The following NSD2 variants were observed in gnomAD, a reference collection of about 807,000 sequenced individuals.
NSD2 encodes histone-lysine N-methyltransferase NSD2.
NSD2 carries 12 observed loss-of-function variants against 139.0 expected under a neutral mutation model. The observed-to-expected ratio is 0.09, with a 90% confidence interval of 0.06 to 0.14. The LOEUF (loss-of-function observed/expected upper bound fraction) is 0.14. NSD2 is among the 10% of genes least tolerant of loss of function. NSD2 has a pLI of 1.00. For missense variants in NSD2, 1,155 were observed against 1,745.0 expected (o/e 0.66, Z 6.02); for synonymous variants, 669 against 648.7 (o/e 1.03, Z -0.48).
In NSD2 at chr4:1,948,917, A is replaced by G; in HGVS notation, c.1882-2155A>G. ...TGTTCCACCACGTTAAGGGAAGAGC[A>G]TGGGTTGGTGGATAGCGCTGGGGCT... On this transcript the variant is annotated intron_variant, in intron 9 of 21. Coordinates refer to ENST00000508803, the MANE Select transcript of NSD2 (RefSeq NM_001042424.3). This position sits in a 1 kb window ranked among gnomAD's most constrained non-coding sequence, Gnocchi z 4.5. The G allele has an allele frequency of 3.1e-6, 2 of 648,966 alleles. No homozygotes were observed. Among genetic ancestry groups the G allele is most frequent in the Non-Finnish European group, 3.9e-6 (2 of 515,202 alleles). The allele number at this position is 648,966 out of a possible 1,614,324, so 40.2% of individuals were successfully genotyped here.
At chr4:1,872,958 A>G (rs1439746511) in intron 1 of NSD2, among the ~76,000 whole-genome samples, 1 of 152,212 alleles carries the variant, frequency 6.6e-6, no homozygotes, top group African/African-American at 2.4e-5. Context: ...CAACAACATA[A>G]AGCAAACAAG....
intron 5 of NSD2, among the ~76,000 whole-genome samples, chr4:1,923,332 A>AT (rs1161387841): frequency 6.6e-6 from 1 of 152,082 alleles, no homozygotes; most frequent in Non-Finnish European, 1.5e-5. Flanking sequence ...AAAAAAAAAA[A>AT]AAAAAATTCT....
intron 1 of NSD2, among the ~76,000 whole-genome samples, chr4:1,872,224 C>G (rs1032765724): frequency 6.6e-6 from 1 of 152,090 alleles, no homozygotes; most frequent in Admixed American, 6.5e-5. Flanking sequence ...GGGTACCCTG[C>G]TGGGGGGCTG....
intron 9 of NSD2, chr4:1,941,757 A>C (rs780723152): frequency 3.0e-4 from 312 of 1,048,738 alleles, no homozygotes; most frequent in Non-Finnish European, 3.5e-4. Flanking sequence ...TAAATCTTCC[A>C]TTAGTGTTCA....
At chr4:1,951,275 G>A in intron 10 of NSD2, 72 bp downstream of exon 10, 1 of 1,597,118 alleles carries the variant, frequency 6.3e-7, no homozygotes, top group Non-Finnish European at 8.5e-7. Flanking sequence ...GAGCGAATTT[G>A]TAGTGTCTTT....
At chr4:1,975,220 C>G in intron 19 of NSD2, 74 bp from the exon 20 acceptor site, 1 of 1,483,750 alleles carries the variant, frequency 6.7e-7, no homozygotes, top group Non-Finnish European at 9.4e-7. Flanking sequence ...TTTTGTTGAC[C>G]TAATACACGC....
chr4:1,915,199 T>TC (rs1719219702), intron 3 of NSD2, among the ~76,000 whole-genome samples: 1 of 141,800 alleles, frequency 7.1e-6, no homozygotes, highest in Non-Finnish European at 1.5e-5. Context: ...CACTGCAAGC[T>TC]CCGCCTCCTG....
intron 8 of NSD2, 53 bp downstream of exon 8, chr4:1,938,585 TG>T (rs1416626590): frequency 5.5e-6 from 3 of 546,780 alleles, no homozygotes; most frequent in Admixed American, 4.6e-5. Flanking sequence ...CAGGCTGGGC[TG>T]GGTGGGTGGG....
chr4:1,901,343 C>A, intron 2 of NSD2, 92 bp downstream of exon 2: 1 of 1,182,956 alleles, frequency 8.5e-7, no homozygotes, highest in Non-Finnish European at 1.2e-6. Context: ...CTGGGGCGGG[C>A]GGAGAAGGTG....
Position 1,948,918 on chromosome 4 carries a change from T to C in NSD2, c.1882-2154T>C, listed in dbSNP as rs1723918938. ...GTTCCACCACGTTAAGGGAAGAGCA[T>C]GGGTTGGTGGATAGCGCTGGGGCTC... On this transcript the variant is annotated intron_variant, in intron 9 of 21. Coordinates refer to ENST00000508803, the MANE Select transcript of NSD2 (RefSeq NM_001042424.3). The surrounding 1 kb of genome is among the most constrained non-coding windows in gnomAD (Gnocchi z 4.5). 3 of 626,248 alleles carry C rather than the reference T, an allele frequency of 4.8e-6. No individual in the cohort carries two copies. Among genetic ancestry groups the C allele is most frequent in the Non-Finnish European group, 6.1e-6 (3 of 494,396 alleles). 38.8% of individuals were successfully genotyped at this position (626,248 alleles called of 1,614,324 possible). A position where few individuals can be genotyped will look rare whatever the true frequency, so the allele number is the denominator to read the frequency against.
chr4:1,908,065 G>T (rs1263414174), intron 3 of NSD2, among the ~76,000 whole-genome samples: 3 of 152,218 alleles, frequency 2.0e-5, no homozygotes, highest in African/African-American at 7.2e-5. Context: ...AGCAGGTGTA[G>T]GGCGTGTCCC....
chr4:1,907,290 C>G (rs1718049740), intron 3 of NSD2, among the ~76,000 whole-genome samples: 1 of 152,096 alleles, frequency 6.6e-6, no homozygotes. Context: ...CTCCCATTCC[C>G]CTGGTTTCTT....
chr4:1,942,493 G>A lies in NSD2; in HGVS notation c.1881+2715G>A. The A allele has an allele frequency of 6.6e-7, 1 of 1,513,424 alleles. No individual in the cohort carries two copies. Among genetic ancestry groups the A allele is most frequent in the Non-Finnish European group, 8.9e-7 (1 of 1,129,464 alleles). 93.7% of individuals were successfully genotyped at this position (1,513,424 alleles called of 1,614,324 possible). On this transcript the variant is annotated intron_variant, in intron 9 of 21. Coordinates refer to ENST00000508803, the MANE Select transcript of NSD2 (RefSeq NM_001042424.3). The surrounding 1 kb of genome is among the most constrained non-coding windows in gnomAD (Gnocchi z 4.0). ...ATCACAATCATTTTATGGAAGATGTGTGATAATCTGTTTTTACTGGTATTA... is the reference window on the plus strand; with the variant it reads ...ATCACAATCATTTTATGGAAGATGTATGATAATCTGTTTTTACTGGTATTA...
chr4:1,956,401 T>C lies in NSD2; in HGVS notation c.2881+213T>C, dbSNP rs1577539265. ...TTTGTAACATTGGTTTGTGATTAATTTCATTAAAATTCTGTAAACCTATTA... is the reference window on the plus strand; with the variant it reads ...TTTGTAACATTGGTTTGTGATTAATCTCATTAAAATTCTGTAAACCTATTA... On this transcript the variant is annotated intron_variant, in intron 15 of 21. Transcript: ENST00000508803. The surrounding 1 kb of genome is among the most constrained non-coding windows in gnomAD (Gnocchi z 5.3). Among the ~76,000 whole-genome samples, 5 of 152,354 alleles carry C rather than the reference T, an allele frequency of 3.3e-5. 2 individuals carry two copies. Among genetic ancestry groups the C allele is most frequent in the Admixed American group, 3.3e-4 (5 of 15,306 alleles).
intron 6 of NSD2, among the ~76,000 whole-genome samples, chr4:1,934,740 C>G (rs1277495670): frequency 7.0e-6 from 1 of 143,418 alleles, no homozygotes; most frequent in African/African-American, 2.6e-5. Context: ...CCCAGCTACT[C>G]AGGAGGCTGA....
Position 1,978,752 on chromosome 4 carries a change from G to T in NSD2, c.3941G>T (p.Ser1314Ile). The T allele has an allele frequency of 6.2e-7, 1 of 1,614,150 alleles. No individual in the cohort carries two copies. The highest frequency in any genetic ancestry group is 1.1e-5 in the South Asian group (1 of 91,080). The change falls in exon 22 of 22, where the codon AGC (serine) becomes ATC (isoleucine). Residue 1314 changes from serine to isoleucine, a missense_variant. By Grantham distance (142) the Ser-to-Ile change is moderately radical (BLOSUM62 -2). Coordinates refer to ENST00000508803, the MANE Select transcript of NSD2 (RefSeq NM_001042424.3). ...GAGCACCAGGACGGGACAGCCTTCA[G>T]CTGCACCCCGGACGGGCGGTCCTAC... ...CKEHQDGTAFSCTPDGRSYCC... is the reference protein window; with the variant it reads ...CKEHQDGTAFICTPDGRSYCC...
chr4:1,937,156 A>G (rs1722500047), intron 7 of NSD2, among the ~76,000 whole-genome samples: 1 of 151,784 alleles, frequency 6.6e-6, no homozygotes, highest in Non-Finnish European at 1.5e-5. Flanking sequence ...GATTCAAGTG[A>G]TTCTCCTGCC....
At position 1,900,889 on chromosome 4, in the gene NSD2, C is replaced by A; in HGVS notation, c.235C>A (p.Leu79Met). ...DALPFIPADKLKDLTSRVFNG... is the reference protein window; with the variant it reads ...DALPFIPADKMKDLTSRVFNG... Reference sequence around the variant, plus strand: ...CCTGCCCTTTATTCCAGCCGACAAGCTGAAAGATCTTACTTCCCGGGTGTT... The same window carrying A: ...CCTGCCCTTTATTCCAGCCGACAAGATGAAAGATCTTACTTCCCGGGTGTT... Residue 79 changes from leucine to methionine, a missense_variant, in exon 2 of 22, where the codon CTG (leucine) becomes ATG (methionine). Transcript: ENST00000508803. 1 of 1,613,016 alleles carries A rather than the reference C, an allele frequency of 6.2e-7. No individual in the cohort carries two copies. Among genetic ancestry groups the A allele is most frequent in the Non-Finnish European group, 8.5e-7 (1 of 1,179,322 alleles).
In NSD2 at chr4:1,981,848, G is replaced by A. The variant is rs945772163; in HGVS notation, c.*2939G>A. ...GATCCTATGAGTGTAGTTGATGACT[G>A]TTTGTTAGTCAGTAGAGTAAAATGC... On this transcript the variant is annotated 3_prime_UTR_variant, in exon 22 of 22. Transcript: ENST00000508803. The A allele has an allele frequency of 1.8e-5, 7 of 389,040 alleles. No individual in the cohort carries two copies. Among genetic ancestry groups the A allele is most frequent in the Non-Finnish European group, 3.1e-5 (7 of 225,838 alleles). The allele number at this position is 389,040 out of a possible 1,614,324, so 24.1% of individuals were successfully genotyped here.
Sources: gnomAD v4.1 joint callset for allele counts (sites outside exome capture counted in the v4.1 genomes callset) on GRCh38, gnomAD v4.1.1 for gene constraint, Gnocchi (gnomAD v3.1) non-coding constraint, MANE v1.5 for transcripts, NCBI Gene and HGNC (gene_info 2026-07-23, HGNC 2026-07-21) for gene names.